The following LOC400499 variants were observed in gnomAD, a reference collection of about 807,000 sequenced individuals.
the LOC400499 span, among the ~76,000 whole-genome samples, chr16:11,386,004 C>G: frequency 6.6e-6 from 1 of 152,134 alleles, no homozygotes; most frequent in African/African-American, 2.4e-5. Flanking sequence ...CCACTGCACT[C>G]CAGCCAGGAC....
At chr16:11,468,944 G>A in the LOC400499 span, among the ~76,000 whole-genome samples, 56 of 152,310 alleles carry the variant, frequency 3.7e-4, no homozygotes, top group Admixed American at 7.2e-4. Flanking sequence ...TTAAAAGCAT[G>A]TTTTTGTGTT....
chr16:11,489,391 C>G, the LOC400499 span, among the ~76,000 whole-genome samples: 3 of 152,164 alleles, frequency 2.0e-5, no homozygotes, highest in Non-Finnish European at 4.4e-5. Context: ...AAAGCAGAGC[C>G]TGGACCTAAA....
At chr16:11,481,687 C>T in the LOC400499 span, among the ~76,000 whole-genome samples, 3 of 152,064 alleles carry the variant, frequency 2.0e-5, no homozygotes, top group Non-Finnish European at 4.4e-5. Context: ...GGCTGGAGTG[C>T]AGTGGTGCTA....
At chr16:11,410,670 T>C in the LOC400499 span, among the ~76,000 whole-genome samples, 1 of 151,488 alleles carries the variant, frequency 6.6e-6, no homozygotes, top group Non-Finnish European at 1.5e-5. Context: ...TAGTTACAGA[T>C]GTAACCATTC....
At chr16:11,495,771 T>C in the LOC400499 span, among the ~76,000 whole-genome samples, 2 of 151,906 alleles carry the variant, frequency 1.3e-5, no homozygotes, top group Non-Finnish European at 2.9e-5. Context: ...ATCATTCCCA[T>C]TTTGCAGAGC....
the LOC400499 span, among the ~76,000 whole-genome samples, chr16:11,455,191 T>C: frequency 6.6e-6 from 1 of 152,212 alleles, no homozygotes; most frequent in East Asian, 1.9e-4. Flanking sequence ...AAGACATTTA[T>C]AGTTATAATT....
chr16:11,501,957 C>T, the LOC400499 span: 14 of 395,082 alleles, frequency 3.5e-5, no homozygotes, highest in South Asian at 7.0e-4. Flanking sequence ...GTCAAGGGGA[C>T]GGGATGACGC....
the LOC400499 span, among the ~76,000 whole-genome samples, chr16:11,435,465 G>T: frequency 1.3e-5 from 2 of 152,144 alleles, no homozygotes; most frequent in African/African-American, 2.4e-5. Flanking sequence ...ACGCAAAAAA[G>T]AAACAAAGGG....
the LOC400499 span, among the ~76,000 whole-genome samples, chr16:11,408,357 T>C: frequency 6.6e-6 from 1 of 152,034 alleles, no homozygotes; most frequent in Non-Finnish European, 1.5e-5. Flanking sequence ...ATGTTCAGCC[T>C]GAATCTTATC....
chr16:11,525,298 A>ACCCCCC, the LOC400499 span, among the ~76,000 whole-genome samples: 389 of 151,818 alleles, frequency 2.6e-3, 1 homozygote, highest in African/African-American at 8.8e-3. Flanking sequence ...GTCCCAAAAA[A>ACCCCCC]AAAAAAAAAA....
chr16:11,391,261 G>A, the LOC400499 span, among the ~76,000 whole-genome samples: 7 of 152,220 alleles, frequency 4.6e-5, no homozygotes, highest in Non-Finnish European at 1.0e-4. Flanking sequence ...GTCCTGCCAC[G>A]AGGCTGGTTG....
chr16:11,413,187 C>T, the LOC400499 span, among the ~76,000 whole-genome samples: 4 of 152,140 alleles, frequency 2.6e-5, no homozygotes, highest in Non-Finnish European at 5.9e-5. Context: ...CAGCTGCAGC[C>T]CAGACGTCGA....
chr16:11,378,835 C>T, the LOC400499 span, among the ~76,000 whole-genome samples: 10 of 152,204 alleles, frequency 6.6e-5, no homozygotes, highest in Admixed American at 4.6e-4. Flanking sequence ...GAACATTCCA[C>T]GTGTACTTTT....
At chr16:11,488,721 T>C in the LOC400499 span, 1 of 398,892 alleles carries the variant, frequency 2.5e-6, no homozygotes, top group Non-Finnish European at 4.4e-6. Context: ...GATCGGAAGG[T>C]GACATCAGAA....
the LOC400499 span, among the ~76,000 whole-genome samples, chr16:11,497,687 C>G: frequency 6.6e-6 from 1 of 151,946 alleles, no homozygotes; most frequent in Non-Finnish European, 1.5e-5. Flanking sequence ...GGCCTGGGTG[C>G]TGAGCAGTCC....
chr16:11,421,473 C>T, the LOC400499 span, among the ~76,000 whole-genome samples: 1 of 152,066 alleles, frequency 6.6e-6, no homozygotes, highest in Non-Finnish European at 1.5e-5. Flanking sequence ...ACAATCTTGG[C>T]TCACTGCAAC....
chr16:11,527,462 C>T, the LOC400499 span, among the ~76,000 whole-genome samples: 1 of 152,294 alleles, frequency 6.6e-6, no homozygotes, highest in South Asian at 2.1e-4. Context: ...GACTACTCTC[C>T]TAGCCTTGTA....
chr16:11,374,913 A>T, the LOC400499 span, among the ~76,000 whole-genome samples: 1 of 152,116 alleles, frequency 6.6e-6, no homozygotes, highest in African/African-American at 2.4e-5. Flanking sequence ...CGGTGGTGCG[A>T]TCTTAGCTCA....
chr16:11,513,935 C>T, the LOC400499 span, among the ~76,000 whole-genome samples: 1 of 152,226 alleles, frequency 6.6e-6, no homozygotes, highest in Admixed American at 6.5e-5. Flanking sequence ...AATCCTCCCC[C>T]CAGATATAGG....
Sources: gnomAD v4.1 joint callset for allele counts (sites outside exome capture counted in the v4.1 genomes callset) on GRCh38, gnomAD v4.1.1 for gene constraint, MANE v1.5 for transcripts.